MAP2K5: variants seen among roughly 807,000 people sequenced by gnomAD.
MAP2K5 encodes the protein mitogen-activated protein kinase kinase 5.
Under a neutral mutation model 83.1 loss-of-function variants are expected in MAP2K5, and 49 were observed. The ratio of observed to expected loss-of-function variants is 0.59; its 90% CI spans 0.47 to 0.75. The LOEUF is 0.75. Among genes scored for constraint, MAP2K5 ranks in the 30% least tolerant of loss-of-function variants. The pLI, the probability that MAP2K5 is intolerant of heterozygous loss-of-function variation, is 0.00. For missense variants in MAP2K5, 457 were observed against 557.5 expected, an observed-to-expected ratio of 0.82 and a Z score of 1.82; for synonymous variants, 202 against 191.8, an observed-to-expected ratio of 1.05 and a Z score of -0.44.
rs1369186192 is a variant in MAP2K5, at chr15:67,702,981, G to A, written c.973-356G>A. ...TTGTTACTCCACAACAAAGACCACT[G>A]GATTTGGAGGGAGAGGATCTGGGTT... On this transcript the variant is annotated intron_variant, in intron 15 of 21. Coordinates refer to ENST00000178640, the MANE Select transcript of MAP2K5 (RefSeq NM_145160.3). The surrounding 1 kb of genome is among the most constrained non-coding windows in gnomAD (Gnocchi z 4.6). 6.6e-6 allele frequency among the ~76,000 whole-genome samples: 1 copy of A among 152,170 alleles called. No homozygotes were observed. Among genetic ancestry groups the A allele is most frequent in the Non-Finnish European group, 1.5e-5 (1 of 68,018 alleles).
chr15:67,806,053 A>G (rs3784720), intron 21 of MAP2K5, among the ~76,000 whole-genome samples: 16,016 of 152,210 alleles, frequency 0.11, 950 homozygotes, highest in South Asian at 0.21. Flanking sequence ...CCAGCCCCCA[A>G]TGGAACTTCT....
chr15:67,546,906 A>T (rs899727028), intron 1 of MAP2K5, among the ~76,000 whole-genome samples: 3 of 152,132 alleles, frequency 2.0e-5, no homozygotes, highest in Non-Finnish European at 4.4e-5. Context: ...CTCTACAAAA[A>T]ATGCAAAAAT....
rs527817832 is a variant in MAP2K5, at chr15:67,722,790, C to G, written c.1045-5126C>G. Among the ~76,000 whole-genome samples, 1 of 152,206 alleles carries G rather than the reference C, an allele frequency of 6.6e-6. No homozygotes were observed. Among genetic ancestry groups the G allele is most frequent in the South Asian group, 2.1e-4 (1 of 4,826 alleles). ...ATAAAATGAAGATTTAACTGCAGCG[C>G]ACAATCTAAATGCAAAATCCTTAGA... On this transcript the variant is annotated intron_variant, in intron 16 of 21. Coordinates refer to ENST00000178640, the MANE Select transcript of MAP2K5 (RefSeq NM_145160.3). The surrounding 1 kb of genome is among the most constrained non-coding windows in gnomAD (Gnocchi z 4.2).
chr15:67,610,679 A>G (rs2085899088), intron 8 of MAP2K5, among the ~76,000 whole-genome samples: 1 of 152,112 alleles, frequency 6.6e-6, no homozygotes, highest in Non-Finnish European at 1.5e-5. Flanking sequence ...TTGCTGTCTT[A>G]CTAGAGTGAA....
At chr15:67,585,800 G>A (rs2085276267) in intron 4 of MAP2K5, 90 bp from the exon 5 acceptor site, 2 of 1,105,800 alleles carry the variant, frequency 1.8e-6, no homozygotes, top group Non-Finnish European at 2.8e-6. Context: ...TAATTTTGGT[G>A]TCACCCTCAT....
intron 16 of MAP2K5, among the ~76,000 whole-genome samples, chr15:67,710,344 G>C (rs184476424): frequency 6.6e-6 from 1 of 152,178 alleles, no homozygotes; most frequent in East Asian, 1.9e-4. Flanking sequence ...TCTTCATCAT[G>C]ACCAGTGTTT....
At position 67,579,515 on chromosome 15, in the gene MAP2K5, A is replaced by G. The variant is rs528183624; in HGVS notation, c.253-1239A>G. Among the ~76,000 whole-genome samples the G allele has an allele frequency of 2.0e-5, 3 of 152,298 alleles. No individual in the cohort carries two copies. In the South Asian group the frequency reaches 6.2e-4, roughly 32 times the overall value. ...GTATATAAGTTTTTATGTCTGTAGAAGGAGAGAATCACTTTCTTTACAGTT... is the reference window on the plus strand; with the variant it reads ...GTATATAAGTTTTTATGTCTGTAGAGGGAGAGAATCACTTTCTTTACAGTT... On this transcript the variant is annotated intron_variant, in intron 3 of 21. Transcript: ENST00000178640.
intron 8 of MAP2K5, among the ~76,000 whole-genome samples, chr15:67,621,497 C>T (rs2086186498): frequency 7.2e-6 from 1 of 139,338 alleles, no homozygotes; most frequent in Non-Finnish European, 1.6e-5. Context: ...TCAACAAAAC[C>T]AAAAGCTGGT....
Position 67,736,356 on chromosome 15 carries a change from G to A in MAP2K5, c.1074+8411G>A, listed in dbSNP as rs1006364251. 2.0e-5 allele frequency among the ~76,000 whole-genome samples: 3 copies of A among 152,176 alleles called. No individual in the cohort carries two copies. The highest frequency in any genetic ancestry group is 4.4e-5 in the Non-Finnish European group (3 of 68,044). On this transcript the variant is annotated intron_variant, in intron 17 of 21. Transcript: ENST00000178640. The surrounding 1 kb of genome is among the most constrained non-coding windows in gnomAD (Gnocchi z 4.3). Reference sequence around the variant, plus strand: ...TTATGAATTTGGCTTGGTATATCACGGCATTTTCTAGACTGCTGGGGAGGA... The same window carrying A: ...TTATGAATTTGGCTTGGTATATCACAGCATTTTCTAGACTGCTGGGGAGGA...
chr15:67,581,979 G>A (rs778908121), intron 4 of MAP2K5, among the ~76,000 whole-genome samples: 1 of 151,266 alleles, frequency 6.6e-6, no homozygotes, highest in African/African-American at 2.4e-5. Context: ...TGTTGTACTT[G>A]AAGATTAAGC....
intron 17 of MAP2K5, among the ~76,000 whole-genome samples, chr15:67,739,470 T>A (rs1158084365): frequency 1.4e-3 from 33 of 23,194 alleles, no homozygotes; most frequent in African/African-American, 2.6e-3. Context: ...ATATTTTTTT[T>A]TTTTTTTTTT....
intron 3 of MAP2K5, among the ~76,000 whole-genome samples, chr15:67,580,022 A>T (rs566836408): frequency 1.2e-4 from 19 of 152,300 alleles, no homozygotes; most frequent in African/African-American, 4.3e-4. Flanking sequence ...GCCATCTCCA[A>T]GTTAGGTGGA....
intron 13 of MAP2K5, among the ~76,000 whole-genome samples, chr15:67,667,158 T>G (rs1340991818): frequency 6.6e-6 from 1 of 152,166 alleles, no homozygotes; most frequent in Non-Finnish European, 1.5e-5. Flanking sequence ...TTTTAGAGGT[T>G]TTGTCCATAT....
rs575646403 is a variant in MAP2K5, at chr15:67,750,309, A to G, written c.1134+1708A>G. Among the ~76,000 whole-genome samples, 5 of 152,366 alleles carry G rather than the reference A, an allele frequency of 3.3e-5. No individual in the cohort carries two copies. The highest frequency in any genetic ancestry group is 7.3e-5 in the Non-Finnish European group (5 of 68,034). On this transcript the variant is annotated intron_variant, in intron 19 of 21. Transcript: ENST00000178640. The surrounding 1 kb of genome is among the most constrained non-coding windows in gnomAD (Gnocchi z 4.2). ...CATCTTCCTTGTGGAAACTTGGGAA[A>G]TGAACATTGCCTTTGCTAAAACCAG...
chr15:67,605,844 T>C (rs941216357), intron 8 of MAP2K5, among the ~76,000 whole-genome samples: 2 of 152,192 alleles, frequency 1.3e-5, no homozygotes, highest in African/African-American at 4.8e-5. Flanking sequence ...GGCTCTTTCA[T>C]TGGATCTTCC....
At chr15:67,667,561 G>A (rs1335809423) in intron 13 of MAP2K5, among the ~76,000 whole-genome samples, 1 of 152,032 alleles carries the variant, frequency 6.6e-6, no homozygotes, top group Non-Finnish European at 1.5e-5. Flanking sequence ...ATACTAATGA[G>A]TGATCTATAC....
intron 1 of MAP2K5, chr15:67,549,282 A>G: frequency 7.8e-7 from 1 of 1,274,908 alleles, no homozygotes. Context: ...TTATAGATTT[A>G]TTTAAGCATT....
intron 9 of MAP2K5, among the ~76,000 whole-genome samples, chr15:67,645,918 A>G (rs920964131): frequency 2.6e-5 from 4 of 152,124 alleles, no homozygotes; most frequent in African/African-American, 4.8e-5. Context: ...AAAATAGCCA[A>G]TGTGGCTAAA....
chr15:67,615,434 T>A (rs1218493771), intron 8 of MAP2K5, among the ~76,000 whole-genome samples: 1 of 152,228 alleles, frequency 6.6e-6, no homozygotes, highest in Non-Finnish European at 1.5e-5. Context: ...AACTGCTGTT[T>A]ACTTTGGATT....
Sources: allele counts gnomAD v4.1 joint callset (sites outside exome capture counted in the v4.1 genomes callset), GRCh38; gene constraint gnomAD v4.1.1; non-coding constraint Gnocchi (gnomAD v3.1); transcripts MANE v1.5; gene names NCBI Gene and HGNC (gene_info 2026-07-23, HGNC 2026-07-21).